RUNX2: variants seen among roughly 807,000 people sequenced by gnomAD.
The protein encoded by RUNX2 is RUNX family transcription factor 2.
In RUNX2, 10 loss-of-function variants were observed where a neutral mutation model predicts 51.7. That is an observed-to-expected ratio of 0.19 (90% CI 0.12 to 0.33). The LOEUF (loss-of-function observed/expected upper bound fraction) is 0.33, where lower values mean the gene tolerates loss of function less well. Ranked by LOEUF, RUNX2 falls within the 10% of genes least tolerant of loss-of-function variation. The pLI is 1.00. For missense variants in RUNX2, 562 were observed against 691.3 expected (o/e 0.81, Z 2.10); for synonymous variants, 276 against 273.6 (o/e 1.01, Z -0.09).
At chr6:45,457,550 A>C (rs1259706253) in intron 5 of RUNX2, among the ~76,000 whole-genome samples, 1 of 152,230 alleles carries the variant, frequency 6.6e-6, no homozygotes, top group Admixed American at 6.5e-5. Flanking sequence ...TTTTCAGTTC[A>C]TAAGTATATC....
At chr6:45,519,990 C>A (rs780177676) in intron 7 of RUNX2, among the ~76,000 whole-genome samples, 9 of 151,966 alleles carry the variant, frequency 5.9e-5, no homozygotes, top group Non-Finnish European at 5.9e-5. Context: ...ACCACCACAT[C>A]TGGCTATTTT....
chr6:45,491,174 A>G (rs1049974575), intron 5 of RUNX2, among the ~76,000 whole-genome samples: 5 of 152,216 alleles, frequency 3.3e-5, no homozygotes, highest in African/African-American at 1.2e-4. Flanking sequence ...TCCGCCAAAT[A>G]ATGGATTGTC....
At chr6:45,373,518 C>CA (rs1333915455) in intron 2 of RUNX2, among the ~76,000 whole-genome samples, 1 of 152,058 alleles carries the variant, frequency 6.6e-6, no homozygotes, top group Non-Finnish European at 1.5e-5. Context: ...ATCAAAAAAG[C>CA]ACCATTACTG....
In RUNX2 at chr6:45,512,517, G is replaced by A. The variant is rs1801194906; in HGVS notation, c.1021+110G>A. The A allele has an allele frequency of 2.5e-6, 3 of 1,178,738 alleles. No homozygotes were observed. In the Admixed American group the frequency reaches 5.6e-5, roughly 22 times the overall value. 73.0% of individuals were successfully genotyped at this position (1,178,738 alleles called of 1,614,324 possible). Reference sequence around the variant, plus strand: ...CACAGTGACTCTCTATTAGAGGCATGTGGGCAAGGGAATGACAACTGGCAA... The same window carrying A: ...CACAGTGACTCTCTATTAGAGGCATATGGGCAAGGGAATGACAACTGGCAA... On this transcript the variant is annotated intron_variant, in intron 7 of 8. Transcript: ENST00000647337.
intron 2 of RUNX2, among the ~76,000 whole-genome samples, chr6:45,339,338 C>T (rs1789282424): frequency 6.6e-6 from 1 of 152,002 alleles, no homozygotes; most frequent in African/African-American, 2.4e-5. Context: ...AACAAAACTC[C>T]CTAGATAAAT....
intron 2 of RUNX2, among the ~76,000 whole-genome samples, chr6:45,371,713 T>C (rs948603243): frequency 2.6e-5 from 4 of 152,218 alleles, no homozygotes; most frequent in Non-Finnish European, 5.9e-5. Flanking sequence ...GACTGATGAC[T>C]TTAAACACTC....
intron 6 of RUNX2, among the ~76,000 whole-genome samples, chr6:45,509,615 A>G (rs1422115437): frequency 6.6e-6 from 1 of 152,168 alleles, no homozygotes; most frequent in Non-Finnish European, 1.5e-5. Context: ...TGAGATTCAG[A>G]GTTAGCTAAC....
chr6:45,536,316 C>T (rs1413963908), intron 7 of RUNX2, among the ~76,000 whole-genome samples: 1 of 152,094 alleles, frequency 6.6e-6, no homozygotes, highest in East Asian at 1.9e-4. Flanking sequence ...AGCATAGGTC[C>T]TCACAGGATA....
chr6:45,474,864 A>G (rs1001462151), intron 5 of RUNX2, among the ~76,000 whole-genome samples: 1 of 152,166 alleles, frequency 6.6e-6, no homozygotes, highest in African/African-American at 2.4e-5. Context: ...TTCAACAAAC[A>G]CTTACTGGGT....
chr6:45,404,580 A>G (rs954303711), intron 2 of RUNX2, among the ~76,000 whole-genome samples: 5 of 152,236 alleles, frequency 3.3e-5, no homozygotes, highest in Non-Finnish European at 5.9e-5. Context: ...TCGATTCTTT[A>G]AAATATCTAT....
Position 45,416,192 on chromosome 6 carries a change from T to C in RUNX2, c.59-6401T>C, listed in dbSNP as rs575860805. ...AGGATTGCAGCTAATAGAACCAAGT[T>C]GAACTCTTACTATTCTATTTTTTTC... is the stretch of plus-strand genomic sequence containing the variant. On this transcript the variant is annotated intron_variant, in intron 2 of 8. Coordinates refer to ENST00000647337, the MANE Select transcript of RUNX2 (RefSeq NM_001024630.4). 3.3e-5 allele frequency among the ~76,000 whole-genome samples: 5 copies of C among 152,314 alleles called. No individual in the cohort carries two copies. The East Asian group carries it at 7.7e-4, about 23-fold the overall frequency.
chr6:45,382,577 A>ACAGGTCTGGTAAGTTGAAGCAACTGC (rs1479973009), intron 2 of RUNX2, among the ~76,000 whole-genome samples: 2 of 152,182 alleles, frequency 1.3e-5, no homozygotes, highest in Non-Finnish European at 2.9e-5. Flanking sequence ...TAGGGTGGGG[A>ACAGGTCTGGTAAGTTGAAGCAACTGC]CAGGTCTGGT....
At chr6:45,390,325 C>T (rs1797444274) in intron 2 of RUNX2, among the ~76,000 whole-genome samples, 1 of 152,176 alleles carries the variant, frequency 6.6e-6, no homozygotes, top group Non-Finnish European at 1.5e-5. Flanking sequence ...GGGGGTCAAA[C>T]CCCAAACCCG....
At chr6:45,506,643 G>A (rs769750883) in intron 6 of RUNX2, among the ~76,000 whole-genome samples, 19 of 152,108 alleles carry the variant, frequency 1.2e-4, no homozygotes, top group Non-Finnish European at 2.6e-4. Context: ...AATATTTAAA[G>A]TTCAACAACA....
Position 45,549,477 on chromosome 6 carries a change from A to C in RUNX2, c.*2172A>C, listed in dbSNP as rs1200760960. ...GCCTTCTAAAGGCCGTATACCAAGTATGCTTAGATAAATAAGCCACTTTTC... is the reference window on the plus strand; with the variant it reads ...GCCTTCTAAAGGCCGTATACCAAGTCTGCTTAGATAAATAAGCCACTTTTC... On this transcript the variant is annotated 3_prime_UTR_variant, in exon 9 of 9. Coordinates refer to ENST00000647337, the MANE Select transcript of RUNX2 (RefSeq NM_001024630.4). 2 of 397,820 alleles carry C rather than the reference A, an allele frequency of 5.0e-6. No individual in the cohort carries two copies. The highest frequency in any genetic ancestry group is 4.1e-5 in the African/African-American group (2 of 48,654). 24.6% of individuals were successfully genotyped at this position (397,820 alleles called of 1,614,324 possible).
intron 2 of RUNX2, among the ~76,000 whole-genome samples, chr6:45,395,537 A>C (rs563745924): frequency 6.6e-6 from 1 of 152,374 alleles, no homozygotes; most frequent in South Asian, 2.1e-4. Context: ...AAATAAGAAC[A>C]TATAACAAAA....
intron 5 of RUNX2, among the ~76,000 whole-genome samples, chr6:45,451,566 T>C (rs1039227221): frequency 3.9e-5 from 6 of 152,206 alleles, no homozygotes; most frequent in African/African-American, 1.2e-4. Context: ...TGGGATCGTT[T>C]AGCTTCAAGA....
At chr6:45,433,269 T>G (rs1798594143) in intron 4 of RUNX2, among the ~76,000 whole-genome samples, 2 of 152,188 alleles carry the variant, frequency 1.3e-5, no homozygotes. Context: ...TTAGTTAACT[T>G]TCATAAAAAG....
At chr6:45,546,218 C>CA (rs1802395820) in intron 8 of RUNX2, among the ~76,000 whole-genome samples, 1 of 152,038 alleles carries the variant, frequency 6.6e-6, no homozygotes, top group African/African-American at 2.4e-5. Flanking sequence ...TATCCACCCC[C>CA]AGAGAAGTTA....
Sources: gnomAD v4.1 joint callset for allele counts (sites outside exome capture counted in the v4.1 genomes callset) on GRCh38, gnomAD v4.1.1 for gene constraint, MANE v1.5 for transcripts, NCBI Gene and HGNC (gene_info 2026-07-23, HGNC 2026-07-21) for gene names.